SETD1B: variants seen among roughly 807,000 people sequenced by gnomAD.
The protein encoded by SETD1B is histone-lysine N-methyltransferase SETD1B.
Under a neutral mutation model 148.0 loss-of-function variants are expected in SETD1B, and 7 were observed. That is an observed-to-expected ratio of 0.05 (90% CI 0.03 to 0.09). The LOEUF (loss-of-function observed/expected upper bound fraction) is 0.09. Ranked by LOEUF, SETD1B falls within the 10% of genes least tolerant of loss-of-function variation. The pLI, the probability that SETD1B is intolerant of heterozygous loss-of-function variation, is 1.00. For synonymous variants in SETD1B, 1,361 were observed against 1,186.5 expected, an observed-to-expected ratio of 1.15 and a Z score of -3.02; for missense variants, 2,155 against 2,729.9, an observed-to-expected ratio of 0.79 and a Z score of 4.69.
chr12:121,818,360 C>T (rs1876399587), intron 10 of SETD1B, among the ~76,000 whole-genome samples: 2 of 151,134 alleles, frequency 1.3e-5, no homozygotes, highest in African/African-American at 2.4e-5. Context: ...GTTAGGAGTT[C>T]GAGACCAGCC....
Position 121,823,526 on chromosome 12 carries a change from C to T in SETD1B, c.4947C>T (p.Arg1649=). Reference sequence around the variant, plus strand: ...CGTGGCGCCGGCCACCTAAGAAGCGCCATGAGGACCTGGTGCCACCTGCGG... The same window carrying T: ...CGTGGCGCCGGCCACCTAAGAAGCGTCATGAGGACCTGGTGCCACCTGCGG... ...RGPWRRPPKK[R]HEDLVPPAGS... Residue 1649 remains arginine (R), a synonymous_variant, in exon 12 of 17, where the codon CGC becomes CGT. Coordinates refer to ENST00000604567, the MANE Select transcript of SETD1B (RefSeq NM_001353345.2). 1 of 1,551,062 alleles carries T rather than the reference C, an allele frequency of 6.4e-7. No homozygotes were observed. Among genetic ancestry groups the T allele is most frequent in the Non-Finnish European group, 8.7e-7 (1 of 1,146,912 alleles).
intron 7 of SETD1B, among the ~76,000 whole-genome samples, chr12:121,815,777 A>G (rs998673269): frequency 1.4e-4 from 20 of 143,308 alleles, no homozygotes; most frequent in Admixed American, 1.3e-3. Context: ...CTGGGATTAT[A>G]TGCGTCAGCC....
intron 12 of SETD1B, 84 bp from the exon 13 acceptor site, chr12:121,825,116 T>A: frequency 7.3e-7 from 1 of 1,364,910 alleles, no homozygotes; most frequent in East Asian, 2.5e-5. Context: ...CCCTGAAGGG[T>A]GGTCTGAGGA....
intron 13 of SETD1B, 32 bp downstream of exon 13, chr12:121,825,398 C>T: frequency 2.6e-6 from 4 of 1,532,524 alleles, no homozygotes; most frequent in Non-Finnish European, 3.5e-6. Context: ...ACATCAGAGC[C>T]TGCTGGGCTG....
the SETD1B span, among the ~76,000 whole-genome samples, chr12:121,794,649 C>G: frequency 6.6e-6 from 1 of 152,202 alleles, no homozygotes; most frequent in Non-Finnish European, 1.5e-5. Flanking sequence ...TTGTTGAGCA[C>G]TTACTGTAGG....
intron 6 of SETD1B, among the ~76,000 whole-genome samples, chr12:121,811,191 G>A (rs1242583919): frequency 6.6e-6 from 1 of 152,174 alleles, no homozygotes; most frequent in African/African-American, 2.4e-5. Context: ...CTGTGGGGAT[G>A]GCTCTTGGTC....
chr12:121,793,911 C>A, the SETD1B span: 1 of 320,460 alleles, frequency 3.1e-6, no homozygotes, highest in Non-Finnish European at 5.7e-6. Flanking sequence ...CCACCCTCCG[C>A]GCGTCACGTC....
At position 121,832,520 on chromosome 12, in the gene SETD1B, GT is replaced by G; in HGVS notation, c.*2285del. On this transcript the variant is annotated 3_prime_UTR_variant, in exon 17 of 17. Transcript: ENST00000604567. ...AGACTCCATCATCCATATGTAACTT[GT>G]TTTGAAGAGAAGTGTTTCCGTTGTG... 1 of 165,090 alleles carries G rather than the reference GT, an allele frequency of 6.1e-6. No homozygotes were observed. Among genetic ancestry groups the G allele is most frequent in the African/African-American group, 2.4e-5 (1 of 41,728 alleles). 10.2% of individuals were successfully genotyped at this position (165,090 alleles called of 1,614,324 possible).
Position 121,823,518 on chromosome 12 carries a change from A to G in SETD1B, c.4939A>G (p.Lys1647Glu). 1 of 1,550,826 alleles carries G rather than the reference A, an allele frequency of 6.4e-7. No homozygotes were observed. The highest frequency in any genetic ancestry group is 1.7e-4 in the Middle Eastern group (1 of 5,992). Residue 1647 changes from lysine to glutamate, a missense_variant, in exon 12 of 17, where the codon AAG becomes GAG. Coordinates refer to ENST00000604567, the MANE Select transcript of SETD1B (RefSeq NM_001353345.2). ...CCGGGGGCCGTGGCGCCGGCCACCT[A>G]AGAAGCGCCATGAGGACCTGGTGCC... ...KSRGPWRRPP[K>E]KRHEDLVPPA...
chr12:121,816,684 G>A (rs1368187760), intron 7 of SETD1B, among the ~76,000 whole-genome samples: 3 of 152,222 alleles, frequency 2.0e-5, no homozygotes, highest in Non-Finnish European at 4.4e-5. Flanking sequence ...CATGGGAAGA[G>A]AAGAGAAAAT....
the SETD1B span, among the ~76,000 whole-genome samples, chr12:121,796,637 A>G: frequency 6.6e-6 from 1 of 152,382 alleles, no homozygotes; most frequent in Admixed American, 6.5e-5. Context: ...CTGCCTGAGC[A>G]GTCCCCAGGC....
Position 121,823,119 on chromosome 12 carries a change from C to A in SETD1B, c.4540C>A (p.Pro1514Thr), listed in dbSNP as rs1328449770. ...LPAPLASCPP[P>T]MKRKPGRPRR... ...CGCCCCCCTGGCCTCTTGCCCTCCC[C>A]CAATGAAGAGGAAGCCGGGCCGGCC... Residue 1514 changes from proline (P) to threonine (T), a missense_variant, in exon 12 of 17, where the codon CCA (proline) becomes ACA (threonine). Transcript: ENST00000604567. 2.2e-5 allele frequency: 34 copies of A among 1,535,422 alleles called. No homozygotes were observed. The highest frequency in any genetic ancestry group is 2.8e-5 in the Non-Finnish European group (32 of 1,145,492).
Position 121,808,687 on chromosome 12 carries a change from C to T in SETD1B, c.657+367C>T, listed in dbSNP as rs900974949. On this transcript the variant is annotated intron_variant, in intron 5 of 16. Transcript: ENST00000604567. The surrounding 1 kb of genome is among the most constrained non-coding windows in gnomAD (Gnocchi z 5.3). The stretch of plus-strand genomic sequence containing the variant: ...GGTCCTTAGTGTCTGGTGTCCTGGG[C>T]ATGCCACTACCCCTAAACCCAGAAA... 6.6e-6 allele frequency among the ~76,000 whole-genome samples: 1 copy of T among 152,200 alleles called. No homozygotes were observed. The highest frequency in any genetic ancestry group is 2.4e-5 in the African/African-American group (1 of 41,448).
intron 13 of SETD1B, among the ~76,000 whole-genome samples, chr12:121,827,090 G>T (rs1225992405): frequency 1.3e-5 from 2 of 152,114 alleles, no homozygotes; most frequent in Admixed American, 6.6e-5. Flanking sequence ...CACCTGGGAG[G>T]GCACTTGGGG....
the SETD1B span, among the ~76,000 whole-genome samples, chr12:121,798,448 G>A: frequency 6.6e-6 from 1 of 152,214 alleles, no homozygotes; most frequent in East Asian, 1.9e-4. Flanking sequence ...GCCACTCCCA[G>A]CAATAACCAC....
At chr12:121,793,263 G>C in the SETD1B span, 1 of 1,545,524 alleles carries the variant, frequency 6.5e-7, no homozygotes. Context: ...GGTCGGGTTG[G>C]TCCTTAGTGG....
intron 11 of SETD1B, among the ~76,000 whole-genome samples, chr12:121,820,782 C>T (rs1485635454): frequency 3.3e-5 from 5 of 152,194 alleles, no homozygotes; most frequent in Non-Finnish European, 1.5e-5. Context: ...ATCCACCCAC[C>T]TCGGCCTCCC....
rs2707065 is a variant in SETD1B, at chr12:121,808,132, A to G, written c.545-76A>G. On this transcript the variant is annotated intron_variant, in intron 4 of 16. Transcript: ENST00000604567. The surrounding 1 kb of genome is among the most constrained non-coding windows in gnomAD (Gnocchi z 5.3). ...GGCACAAGGGACCCACCAGGGTGCCACACAGGTTGGAATCCTTGTGGGGGC... is the reference window on the plus strand; with the variant it reads ...GGCACAAGGGACCCACCAGGGTGCCGCACAGGTTGGAATCCTTGTGGGGGC... The G allele has an allele frequency of 1.8e-5, 21 of 1,191,732 alleles. No individual in the cohort carries two copies. The highest frequency in any genetic ancestry group is 2.8e-5 in the South Asian group (2 of 70,868). 73.8% of individuals were successfully genotyped at this position (1,191,732 alleles called of 1,614,324 possible).
Position 121,832,009 on chromosome 12 carries a change from G to A in SETD1B, c.*1770G>A, listed in dbSNP as rs1042962288. 2.6e-5 allele frequency: 4 copies of A among 152,034 alleles called. No homozygotes were observed. The highest frequency in any genetic ancestry group is 2.1e-4 in the South Asian group (1 of 4,826). 9.4% of individuals were successfully genotyped at this position (152,034 alleles called of 1,614,324 possible). The stretch of plus-strand genomic sequence containing the variant: ...CACAGATGGGGTACCTGGGCACAGC[G>A]GCGAACTTCTCTTCCGTTTGCGGTT... On this transcript the variant is annotated 3_prime_UTR_variant, in exon 17 of 17. Transcript: ENST00000604567.
Sources: gnomAD v4.1 joint callset for allele counts (sites outside exome capture counted in the v4.1 genomes callset) on GRCh38, gnomAD v4.1.1 for gene constraint, Gnocchi (gnomAD v3.1) non-coding constraint, MANE v1.5 for transcripts, NCBI Gene and HGNC (gene_info 2026-07-23, HGNC 2026-07-21) for gene names.